The following FAM168A variants were observed in gnomAD, a reference collection of about 807,000 sequenced individuals.
The protein encoded by FAM168A is protein FAM168A.
In FAM168A, 3 loss-of-function variants were observed where a neutral mutation model predicts 28.5. The ratio of observed to expected loss-of-function variants is 0.11; its 90% confidence interval spans 0.05 to 0.27. The LOEUF (loss-of-function observed/expected upper bound fraction) is 0.27. Ranked by LOEUF, FAM168A falls within the 10% of genes least tolerant of loss-of-function variation. The pLI is 1.00. For missense variants in FAM168A, 222 were observed against 311.5 expected, an observed-to-expected ratio of 0.71 and a Z score of 2.16; for synonymous variants, 122 against 124.2, an observed-to-expected ratio of 0.98 and a Z score of 0.12.
chr11:73,511,711 C>T (rs1276273629), intron 1 of FAM168A, among the ~76,000 whole-genome samples: 1 of 152,134 alleles, frequency 6.6e-6, no homozygotes, highest in Non-Finnish European at 1.5e-5. Flanking sequence ...CTAAGCTCAA[C>T]TATTTAATAT....
rs1010702446 is a variant in FAM168A at position 73,523,885 on chromosome 11, G to C, written c.-18-55393C>G. On this transcript the variant is annotated intron_variant, in intron 1 of 7. Coordinates refer to ENST00000356467, the MANE Select transcript of FAM168A (RefSeq NM_015159.3). ...CCCTATTTTTTTTTTTTTGAAGAGAGAGCATCTCACTCTGTCGCCCAAGCC... is the reference window on the plus strand; with the variant it reads ...CCCTATTTTTTTTTTTTTGAAGAGACAGCATCTCACTCTGTCGCCCAAGCC... 2.8e-5 allele frequency among the ~76,000 whole-genome samples: 4 copies of C among 144,564 alleles called. 1 individual carries two copies. In the South Asian group the frequency reaches 6.5e-4, roughly 23 times the overall value. The allele number at this position is 144,564 out of a possible 152,430, so 94.8% of individuals were successfully genotyped here.
intron 1 of FAM168A, among the ~76,000 whole-genome samples, chr11:73,572,110 G>A (rs1944099625): frequency 6.6e-6 from 1 of 151,846 alleles, no homozygotes. Flanking sequence ...CACCCCGTCT[G>A]GGAAGTGAGG....
At chr11:73,450,468 C>T (rs898732717) in intron 2 of FAM168A, among the ~76,000 whole-genome samples, 1 of 152,092 alleles carries the variant, frequency 6.6e-6, no homozygotes, top group Admixed American at 6.5e-5. Context: ...GGTTTGTAGG[C>T]CCAGGGGTTA....
At chr11:73,417,447 G>C (rs574978457) in intron 4 of FAM168A, among the ~76,000 whole-genome samples, 1 of 152,176 alleles carries the variant, frequency 6.6e-6, no homozygotes, top group East Asian at 1.9e-4. Flanking sequence ...ATGTTTAGAT[G>C]TAAGAGAGAA....
intron 1 of FAM168A, among the ~76,000 whole-genome samples, chr11:73,533,508 AAGT>A (rs1943540820): frequency 6.6e-6 from 1 of 152,166 alleles, no homozygotes; most frequent in Non-Finnish European, 1.5e-5. Flanking sequence ...AAAAGTGACC[AAGT>A]AAGAAAGGAG....
At position 73,426,671 on chromosome 11, in the gene FAM168A, A is replaced by ATG. The variant is rs199657971; in HGVS notation, c.151+4017_151+4018dup. Among the ~76,000 whole-genome samples, 153 of 143,806 alleles carry ATG rather than the reference A, an allele frequency of 1.1e-3. 2 individuals carry two copies. The highest frequency in any genetic ancestry group is 3.4e-3 in the Admixed American group (49 of 14,596). 94.3% of individuals were successfully genotyped at this position (143,806 alleles called of 152,430 possible). A position where few individuals can be genotyped will look rare whatever the true frequency, so the allele number is the denominator to read the frequency against. On this transcript the variant is annotated intron_variant, in intron 3 of 7. Coordinates refer to ENST00000356467, the MANE Select transcript of FAM168A (RefSeq NM_015159.3). ...TCCAAAATATGCTGTGTGTGTGTGT[A>ATG]TGTGTGTGTGTGTGTAGGATTCCAA...
chr11:73,517,859 G>A (rs58564192), intron 1 of FAM168A, among the ~76,000 whole-genome samples: 11,842 of 152,150 alleles, frequency 0.078, 561 homozygotes, highest in Non-Finnish European at 0.11. Context: ...CAGAAGATTT[G>A]AAACCAGTCC....
chr11:73,410,214 C>T (rs778050736), intron 5 of FAM168A, among the ~76,000 whole-genome samples: 6 of 151,892 alleles, frequency 4.0e-5, no homozygotes, highest in Non-Finnish European at 8.8e-5. Context: ...GAGACCAGCC[C>T]GACCAGCATG....
intron 4 of FAM168A, 140 bp from the exon 5 acceptor site, chr11:73,411,676 A>C: frequency 1.1e-6 from 1 of 911,010 alleles, no homozygotes; most frequent in Non-Finnish European, 1.7e-6. Flanking sequence ...AACAGAGAAC[A>C]GGGCTCCACC....
chr11:73,484,205 G>T (rs548238542), intron 1 of FAM168A, among the ~76,000 whole-genome samples: 19 of 152,226 alleles, frequency 1.2e-4, no homozygotes, highest in African/African-American at 3.6e-4. Flanking sequence ...AATTTTAACA[G>T]ATGTTTAATG....
chr11:73,486,438 T>G (rs139494314), intron 1 of FAM168A, among the ~76,000 whole-genome samples: 51 of 152,328 alleles, frequency 3.3e-4, no homozygotes, highest in Middle Eastern at 3.4e-3. Flanking sequence ...GAACCTAATT[T>G]AAGATGAATT....
At chr11:73,552,596 T>C (rs992221475) in intron 1 of FAM168A, among the ~76,000 whole-genome samples, 5 of 152,214 alleles carry the variant, frequency 3.3e-5, no homozygotes, top group African/African-American at 1.2e-4. Context: ...TTCCTTTCTA[T>C]CTAGTACTTA....
At chr11:73,442,997 T>TATATGC (rs1555020518) in intron 2 of FAM168A, among the ~76,000 whole-genome samples, 3 of 130,406 alleles carry the variant, frequency 2.3e-5, no homozygotes, top group East Asian at 2.2e-4. Flanking sequence ...TATATATATA[T>TATATGC]GCCAAGCCTT....
In FAM168A at chr11:73,407,506, C is replaced by G. The variant is rs1481572869; in HGVS notation, c.*18+7G>C. 1.3e-6 allele frequency: 2 copies of G among 1,538,412 alleles called. No individual in the cohort carries two copies. Among genetic ancestry groups the G allele is most frequent in the African/African-American group, 2.9e-5 (2 of 70,060 alleles). On this transcript the variant is annotated splice_region_variant and intron_variant, in intron 7 of 7. Coordinates refer to ENST00000356467, the MANE Select transcript of FAM168A (RefSeq NM_015159.3). ...CCTCCCACTTCTCTCACCCTGGCCA[C>G]ACTCACTTGGATGGGCTGCAGGCTT... is the stretch of plus-strand genomic sequence containing the variant.
chr11:73,518,694 G>A (rs891303991), intron 1 of FAM168A, among the ~76,000 whole-genome samples: 4 of 151,944 alleles, frequency 2.6e-5, no homozygotes, highest in Admixed American at 6.6e-5. Context: ...TCAGGAGTTC[G>A]AAACCAGCCT....
chr11:73,534,111 T>C (rs924323812), intron 1 of FAM168A, among the ~76,000 whole-genome samples: 2 of 152,216 alleles, frequency 1.3e-5, no homozygotes, highest in African/African-American at 2.4e-5. Context: ...GACATCTTCA[T>C]AGAGTTGATA....
intron 1 of FAM168A, among the ~76,000 whole-genome samples, chr11:73,513,253 A>C (rs1855264047): frequency 7.9e-6 from 1 of 126,046 alleles, no homozygotes; most frequent in Non-Finnish European, 1.6e-5. Context: ...TCTATCGCCC[A>C]GGCTGGAGTG....
intron 1 of FAM168A, among the ~76,000 whole-genome samples, chr11:73,509,528 T>C (rs772128118): frequency 2.6e-5 from 4 of 152,140 alleles, no homozygotes; most frequent in Non-Finnish European, 4.4e-5. Context: ...CACCACATAT[T>C]AAGTACATCA....
chr11:73,555,505 G>T (rs1565296503), intron 1 of FAM168A, among the ~76,000 whole-genome samples: 1 of 151,994 alleles, frequency 6.6e-6, no homozygotes, highest in Non-Finnish European at 1.5e-5. Flanking sequence ...AGGAGCTCGA[G>T]ACCAGCCTGG....
Sources: allele counts gnomAD v4.1 joint callset (sites outside exome capture counted in the v4.1 genomes callset), GRCh38; gene constraint gnomAD v4.1.1; transcripts MANE v1.5; gene names NCBI Gene and HGNC (gene_info 2026-07-23, HGNC 2026-07-21).